The following USH2A variants were observed in gnomAD, a reference collection of about 807,000 sequenced individuals.
The protein encoded by USH2A is Usher syndrome 2A (autosomal recessive, mild).
USH2A carries 443 observed loss-of-function variants against 538.9 expected under a neutral mutation model. The observed-to-expected ratio is 0.82, with a 90% confidence interval of 0.76 to 0.89. The LOEUF is 0.89. Among genes scored for constraint, USH2A ranks in the 40% least tolerant of loss-of-function variants. The pLI is 0.00. For missense variants in USH2A, 6,633 were observed against 6,324.8 expected, an observed-to-expected ratio of 1.05 and a Z score of -1.65; for synonymous variants, 2,413 against 2,273.5, an observed-to-expected ratio of 1.06 and a Z score of -1.75.
At chr1:216,341,308 AAGG>A (rs2038072800) in intron 4 of USH2A, among the ~76,000 whole-genome samples, 1 of 152,144 alleles carries the variant, frequency 6.6e-6, no homozygotes, top group Non-Finnish European at 1.5e-5. Context: ...GGAGCTCCTC[AAGG>A]AGAACTACAA....
At chr1:216,385,210 C>A (rs2038986388) in intron 3 of USH2A, among the ~76,000 whole-genome samples, 1 of 152,178 alleles carries the variant, frequency 6.6e-6, no homozygotes, top group Non-Finnish European at 1.5e-5. Flanking sequence ...TACATCTCTA[C>A]TTGCTCCCAG....
At position 216,050,575 on chromosome 1, in the gene USH2A, T is replaced by TC. The variant is rs369129617; in HGVS notation, c.6050-1929dup. On this transcript the variant is annotated intron_variant, in intron 30 of 71. Transcript: ENST00000307340. ...ATTTGTATCTTTTTCTTTCTTTCTT[T>TC]CTTTCTTTCTTTCTTTCTTTCTTTC... Among the ~76,000 whole-genome samples the TC allele has an allele frequency of 2.6e-3, 130 of 49,576 alleles. 19 individuals are homozygous for TC. Among genetic ancestry groups the TC allele is most frequent in the East Asian group, 8.3e-3 (13 of 1,562 alleles). The allele number at this position is 49,576 out of a possible 152,430, so 32.5% of individuals were successfully genotyped here.
intron 14 of USH2A, among the ~76,000 whole-genome samples, chr1:216,230,264 C>T (rs1321722867): frequency 2.6e-5 from 4 of 152,158 alleles, no homozygotes; most frequent in Non-Finnish European, 5.9e-5. Flanking sequence ...AAAATTACAT[C>T]TAGGAGCTAG....
rs539295095 is a variant in USH2A at position 215,895,583 on chromosome 1, T to A, written c.7594+4492A>T. 2.3e-4 allele frequency among the ~76,000 whole-genome samples: 35 copies of A among 152,330 alleles called. No homozygotes were observed. In the South Asian group the frequency reaches 7.3e-3, roughly 32 times the overall value. The stretch of plus-strand genomic sequence containing the variant: ...CTGTTCCTTTGTAAATTACTGTGAG[T>A]ATCTGAAGGATGGATGAAGGTTGCT... On this transcript the variant is annotated intron_variant, in intron 40 of 71. Coordinates refer to ENST00000307340, the MANE Select transcript of USH2A (RefSeq NM_206933.4).
intron 40 of USH2A, among the ~76,000 whole-genome samples, chr1:215,898,529 A>G (rs988501622): frequency 6.6e-6 from 1 of 152,130 alleles, no homozygotes; most frequent in African/African-American, 2.4e-5. Context: ...TGGGGAGATT[A>G]CCGCTGAGGA....
intron 4 of USH2A, among the ~76,000 whole-genome samples, chr1:216,334,266 G>A (rs141434733): frequency 2.0e-5 from 3 of 151,998 alleles, no homozygotes; most frequent in Non-Finnish European, 4.4e-5. Flanking sequence ...AATTAAGTTG[G>A]TATTAATTTG....
At chr1:215,639,096 T>C in intron 69 of USH2A, 59 bp downstream of exon 69, 1 of 1,489,022 alleles carries the variant, frequency 6.7e-7, no homozygotes, top group South Asian at 1.1e-5. Flanking sequence ...AACAAACATA[T>C]GTGTGTTTCT....
intron 30 of USH2A, among the ~76,000 whole-genome samples, chr1:216,055,533 C>T (rs979560096): frequency 1.5e-4 from 23 of 152,186 alleles, no homozygotes; most frequent in Admixed American, 6.5e-4. Context: ...TGCCATGCTT[C>T]CTGACCACTT....
rs760441540 is a variant in USH2A, at chr1:216,190,292, T to C, written c.4327A>G (p.Thr1443Ala). The change falls in exon 20 of 72, where the codon ACT becomes GCT. Residue 1443 changes from threonine (T) to alanine (A), a missense_variant. Physicochemically the swap from Thr to Ala is moderately conservative, Grantham distance 58 (BLOSUM62 0). Coordinates refer to ENST00000307340, the MANE Select transcript of USH2A (RefSeq NM_206933.4). ...CCAACTGAATTGCAGAGAGTAATAG[T>C]AAACTCATATATCCTATAAGGTTTC... Reference protein sequence around the residue: ...GLKPYRIYEFTITLCNSVGCV... With the variant: ...GLKPYRIYEFAITLCNSVGCV... 2 of 1,612,646 alleles carry C rather than the reference T, an allele frequency of 1.2e-6. No individual in the cohort carries two copies. Among genetic ancestry groups the C allele is most frequent in the Non-Finnish European group, 1.7e-6 (2 of 1,179,126 alleles).
chr1:216,247,731 T>C (rs1368722242), intron 12 of USH2A, among the ~76,000 whole-genome samples: 1 of 152,090 alleles, frequency 6.6e-6, no homozygotes, highest in African/African-American at 2.4e-5. Flanking sequence ...TAATAATGTA[T>C]TGTATACTTG....
At chr1:215,900,644 T>A in intron 39 of USH2A, 111 bp downstream of exon 39, 1 of 1,420,910 alleles carries the variant, frequency 7.0e-7, no homozygotes, top group Non-Finnish European at 9.7e-7. Context: ...TTTTTTGTAC[T>A]TTTAAAAGGT....
intron 38 of USH2A, among the ~76,000 whole-genome samples, chr1:215,928,245 G>C (rs1056284835): frequency 6.6e-6 from 1 of 151,978 alleles, no homozygotes; most frequent in African/African-American, 2.4e-5. Flanking sequence ...CCAATAGGGA[G>C]CTACAAACAT....
Position 215,865,520 on chromosome 1 carries a change from T to C in USH2A, c.8845+1487A>G, listed in dbSNP as rs577527651. 5.9e-5 allele frequency among the ~76,000 whole-genome samples: 9 copies of C among 152,306 alleles called. No individual in the cohort carries two copies. In the South Asian group the frequency reaches 1.9e-3, roughly 32 times the overall value. ...GATGAGGGGGGAGAGCCTACCTTTATGAGTAGGCTTTTAAGATGAATCAGT... is the reference window on the plus strand; with the variant it reads ...GATGAGGGGGGAGAGCCTACCTTTACGAGTAGGCTTTTAAGATGAATCAGT... On this transcript the variant is annotated intron_variant, in intron 44 of 71. Coordinates refer to ENST00000307340, the MANE Select transcript of USH2A (RefSeq NM_206933.4).
rs772852977 is a variant in USH2A at position 216,323,571 on chromosome 1, T to A, written c.1453A>T (p.Ile485Leu). 1.2e-6 allele frequency: 2 copies of A among 1,613,614 alleles called. No homozygotes were observed. The highest frequency in any genetic ancestry group is 1.1e-5 in the South Asian group (1 of 91,072). ...SLQEFVKATQIRFHFHGQYYT... is the reference protein window; with the variant it reads ...SLQEFVKATQLRFHFHGQYYT... ...TACTGCCCATGAAAATGAAACCTTATTTGCGTGGCTTTTACGAACTCTTGA... is the reference window on the plus strand; with the variant it reads ...TACTGCCCATGAAAATGAAACCTTAATTGCGTGGCTTTTACGAACTCTTGA... Residue 485 changes from isoleucine to leucine, a missense_variant, in exon 8 of 72, where the codon ATA (isoleucine) becomes TTA (leucine). Transcript: ENST00000307340.
chr1:215,974,570 A>G lies in USH2A; in HGVS notation c.6806-3794T>C, dbSNP rs115958778. Among the ~76,000 whole-genome samples, 1,300 of 152,238 alleles carry G rather than the reference A, an allele frequency of 8.5e-3. 24 individuals carry two copies. The highest frequency in any genetic ancestry group is 0.029 in the African/African-American group (1,215 of 41,554). On this transcript the variant is annotated intron_variant, in intron 35 of 71. Coordinates refer to ENST00000307340, the MANE Select transcript of USH2A (RefSeq NM_206933.4). Reference sequence around the variant, plus strand: ...AATACCCAATGTTTAGCTCCCACTTATAAATGAGAATATGCAATATTTGTT... The same window carrying G: ...AATACCCAATGTTTAGCTCCCACTTGTAAATGAGAATATGCAATATTTGTT...
At chr1:215,971,479 G>T (rs1667493666) in intron 35 of USH2A, among the ~76,000 whole-genome samples, 1 of 152,012 alleles carries the variant, frequency 6.6e-6, no homozygotes, top group South Asian at 2.1e-4. Flanking sequence ...AAATAAGCCG[G>T]GTGTGGTGAC....
chr1:215,727,256 C>T (rs1242255062), intron 61 of USH2A, among the ~76,000 whole-genome samples: 1 of 151,984 alleles, frequency 6.6e-6, no homozygotes, highest in East Asian at 1.9e-4. Context: ...AACATGTATA[C>T]ACATACATAT....
chr1:215,917,608 T>C (rs1665986760), intron 38 of USH2A, among the ~76,000 whole-genome samples: 1 of 151,718 alleles, frequency 6.6e-6, no homozygotes, highest in Admixed American at 6.6e-5. Flanking sequence ...CTGCATTAAA[T>C]TATCCCTTGT....
intron 15 of USH2A, among the ~76,000 whole-genome samples, chr1:216,209,308 C>A (rs1426804182): frequency 6.6e-6 from 1 of 152,216 alleles, no homozygotes; most frequent in Non-Finnish European, 1.5e-5. Context: ...AATATCCTGA[C>A]TTCCTTTTCC....
Sources: allele counts gnomAD v4.1 joint callset (sites outside exome capture counted in the v4.1 genomes callset), GRCh38; gene constraint gnomAD v4.1.1; transcripts MANE v1.5; gene names NCBI Gene and HGNC (gene_info 2026-07-23, HGNC 2026-07-21).